ZMYM4: variants seen among roughly 807,000 people sequenced by gnomAD.
ZMYM4 encodes the protein zinc finger MYM-type containing 4.
ZMYM4 carries 31 observed loss-of-function variants against 183.2 expected under a neutral mutation model. The ratio of observed to expected loss-of-function variants is 0.17; its 90% CI spans 0.13 to 0.23. The LOEUF is 0.23. ZMYM4 is among the 10% of genes least tolerant of loss of function. ZMYM4 has a pLI of 1.00. For synonymous variants in ZMYM4, 592 were observed against 631.2 expected (o/e 0.94, Z 0.93); for missense variants, 1,273 against 1,840.3 (o/e 0.69, Z 5.64).
chr1:35,305,849 C>G lies in ZMYM4; in HGVS notation c.40-19511C>G, dbSNP rs1231511975. ...CAGGTGTGAGCCACTGTGCTGGGTG[C>G]ATACTTTCTCTTTAGGCCTCCTATA... On this transcript the variant is annotated intron_variant, in intron 1 of 29. Coordinates refer to ENST00000314607, the MANE Select transcript of ZMYM4 (RefSeq NM_005095.3). Among the ~76,000 whole-genome samples, 3 of 152,030 alleles carry G rather than the reference C, an allele frequency of 2.0e-5. No individual in the cohort carries two copies. The South Asian group carries it at 6.2e-4, about 32-fold the overall frequency.
At chr1:35,376,275 A>G (rs781341873) in intron 7 of ZMYM4, among the ~76,000 whole-genome samples, 5 of 152,144 alleles carry the variant, frequency 3.3e-5, no homozygotes, top group African/African-American at 4.8e-5. Context: ...CCACTACCAC[A>G]ATAAGATGTA....
chr1:35,351,477 GAA>G, intron 2 of ZMYM4: 1 of 1,562,398 alleles, frequency 6.4e-7, no homozygotes, highest in East Asian at 2.2e-5. Context: ...TCCAGTCTAT[GAA>G]AAGAAGCCCA....
Position 35,398,483 on chromosome 1 carries a change from A to G in ZMYM4, c.3253+17A>G, listed in dbSNP as rs768220302. 22 of 1,606,140 alleles carry G rather than the reference A, an allele frequency of 1.4e-5. No individual in the cohort carries two copies. The highest frequency in any genetic ancestry group is 1.8e-5 in the Non-Finnish European group (21 of 1,175,746). On this transcript the variant is annotated intron_variant, in intron 21 of 29. Transcript: ENST00000314607. ...TTGAAAAAGGTTTGTAGTTGAAAAT[A>G]TGTTTTGATTTTTAGAAATACTACC...
At position 35,419,822 on chromosome 1, in the gene ZMYM4, G is replaced by A; in HGVS notation, c.*145G>A. 4 of 738,900 alleles carry A rather than the reference G, an allele frequency of 5.4e-6. No homozygotes were observed. The highest frequency in any genetic ancestry group is 2.2e-6 in the Non-Finnish European group (1 of 454,994). 45.8% of individuals were successfully genotyped at this position (738,900 alleles called of 1,614,324 possible). A position where few individuals can be genotyped will look rare whatever the true frequency, so the allele number is the denominator to read the frequency against. ...AAACAGATGACTTGTGAACCCCACA[G>A]TGTGGATGTGCAAATGAAAATTGAA... On this transcript the variant is annotated 3_prime_UTR_variant, in exon 30 of 30. Transcript: ENST00000314607.
At chr1:35,347,642 A>G (rs1442513945) in intron 2 of ZMYM4, among the ~76,000 whole-genome samples, 1 of 152,170 alleles carries the variant, frequency 6.6e-6, no homozygotes, top group East Asian at 1.9e-4. Context: ...AAGAGAGAAG[A>G]TGAAAATACA....
intron 1 of ZMYM4, among the ~76,000 whole-genome samples, chr1:35,286,963 A>G (rs928327750): frequency 6.6e-6 from 1 of 151,202 alleles, no homozygotes; most frequent in Non-Finnish European, 1.5e-5. Context: ...TCTTCTCTTT[A>G]GGAACACTGA....
intron 2 of ZMYM4, among the ~76,000 whole-genome samples, chr1:35,349,865 A>G (rs1398533266): frequency 6.6e-6 from 1 of 151,758 alleles, no homozygotes; most frequent in African/African-American, 2.4e-5. Context: ...GTGACTAAAC[A>G]AAGTGCTAAC....
chr1:35,276,819 C>G (rs1266684853), intron 1 of ZMYM4, among the ~76,000 whole-genome samples: 1 of 152,134 alleles, frequency 6.6e-6, no homozygotes, highest in African/African-American at 2.4e-5. Flanking sequence ...GTTGGCCAAG[C>G]TGGTCTCAAG....
chr1:35,359,498 A>G (rs1643892824), intron 3 of ZMYM4, 52 bp downstream of exon 3: 5 of 1,454,904 alleles, frequency 3.4e-6, no homozygotes, highest in Non-Finnish European at 4.6e-6. Context: ...ATTACCGATC[A>G]TAATATATAG....
intron 1 of ZMYM4, among the ~76,000 whole-genome samples, chr1:35,275,928 T>C (rs1242089787): frequency 6.6e-6 from 1 of 152,224 alleles, no homozygotes; most frequent in Non-Finnish European, 1.5e-5. Context: ...TATACCCACT[T>C]TCTTGTACTT....
At chr1:35,399,822 A>G (rs75250732) in intron 23 of ZMYM4, among the ~76,000 whole-genome samples, 10,257 of 152,042 alleles carry the variant, frequency 0.067, 466 homozygotes, top group Non-Finnish European at 0.091. Context: ...AAAACTTTTT[A>G]TAGTTATTTT....
chr1:35,308,117 G>A (rs888363428), intron 1 of ZMYM4, among the ~76,000 whole-genome samples: 15 of 152,094 alleles, frequency 9.9e-5, no homozygotes, highest in Admixed American at 1.3e-4. Context: ...TCAGCCTCCT[G>A]CGTAGCTGGG....
At chr1:35,390,445 G>T (rs796213651) in intron 15 of ZMYM4, among the ~76,000 whole-genome samples, 10 of 151,982 alleles carry the variant, frequency 6.6e-5, no homozygotes, top group African/African-American at 2.4e-4. Context: ...TGGCGAGCAG[G>T]AGTGGGGGTC....
intron 1 of ZMYM4, among the ~76,000 whole-genome samples, chr1:35,295,450 G>A (rs1640960187): frequency 6.6e-6 from 1 of 152,168 alleles, no homozygotes. Context: ...GAGATCAGGG[G>A]AATAACAGGT....
chr1:35,349,433 TTGAC>T (rs1178702820), intron 2 of ZMYM4, among the ~76,000 whole-genome samples: 34 of 152,224 alleles, frequency 2.2e-4, no homozygotes, highest in Admixed American at 1.3e-4. Context: ...ATTTTTGGCT[TTGAC>T]TGTTGAATTA....
intron 1 of ZMYM4, chr1:35,308,963 G>C: frequency 1.0e-6 from 1 of 985,188 alleles, no homozygotes; most frequent in Non-Finnish European, 1.2e-6. Context: ...TGAAAGATTA[G>C]AGCAGACAGC....
intron 2 of ZMYM4, among the ~76,000 whole-genome samples, chr1:35,346,352 A>G (rs1276406578): frequency 1.3e-5 from 2 of 152,180 alleles, no homozygotes; most frequent in Non-Finnish European, 2.9e-5. Flanking sequence ...AACTTAACTC[A>G]GAAATAGTTC....
At chr1:35,376,651 G>A (rs546164000) in intron 7 of ZMYM4, among the ~76,000 whole-genome samples, 1 of 152,086 alleles carries the variant, frequency 6.6e-6, no homozygotes, top group South Asian at 2.1e-4. Flanking sequence ...AGCCTCTCGA[G>A]TAGCTGGGAC....
At chr1:35,275,756 C>G (rs1570219644) in intron 1 of ZMYM4, among the ~76,000 whole-genome samples, 3 of 152,084 alleles carry the variant, frequency 2.0e-5, no homozygotes, top group Non-Finnish European at 1.5e-5. Flanking sequence ...TTCAACCCAA[C>G]AAAATTGCTA....
Sources: allele counts gnomAD v4.1 joint callset (sites outside exome capture counted in the v4.1 genomes callset), GRCh38; gene constraint gnomAD v4.1.1; transcripts MANE v1.5; gene names NCBI Gene and HGNC (gene_info 2026-07-23, HGNC 2026-07-21).